NLGN1: variants seen among roughly 807,000 people sequenced by gnomAD.
NLGN1 encodes neuroligin 1, also known as neuroligin-1.
NLGN1 carries 12 observed loss-of-function variants against 65.5 expected under a neutral mutation model. The ratio of observed to expected loss-of-function variants is 0.18; its 90% CI spans 0.12 to 0.30. The LOEUF is 0.30. Ranked by LOEUF, NLGN1 falls within the 10% of genes least tolerant of loss-of-function variation. NLGN1 has a pLI of 1.00. For missense variants in NLGN1, 750 were observed against 1,007.1 expected, an observed-to-expected ratio of 0.74 and a Z score of 3.46; for synonymous variants, 350 against 359.5, an observed-to-expected ratio of 0.97 and a Z score of 0.30.
intron 3 of NLGN1, among the ~76,000 whole-genome samples, chr3:173,681,490 T>A (rs192381543): frequency 1.4e-3 from 217 of 152,316 alleles, no homozygotes; most frequent in Non-Finnish European, 1.6e-3. Context: ...GGAGCCTACA[T>A]GATGAATCCA....
intron 4 of NLGN1, among the ~76,000 whole-genome samples, chr3:174,167,073 G>A (rs1051920414): frequency 3.3e-5 from 5 of 151,984 alleles, no homozygotes; most frequent in African/African-American, 1.2e-4. Context: ...TCCAGGGGTT[G>A]TCATTACTTG....
chr3:173,862,444 T>C (rs1436511234), intron 4 of NLGN1, among the ~76,000 whole-genome samples: 1 of 134,506 alleles, frequency 7.4e-6, no homozygotes, highest in Non-Finnish European at 1.5e-5. Flanking sequence ...AGACGGAGCT[T>C]GCAGTGAGCC....
intron 4 of NLGN1, among the ~76,000 whole-genome samples, chr3:174,140,717 T>G (rs1304804060): frequency 2.0e-5 from 3 of 152,138 alleles, no homozygotes; most frequent in Non-Finnish European, 4.4e-5. Flanking sequence ...AATATCCTCT[T>G]TAGTTTTCCA....
intron 3 of NLGN1, among the ~76,000 whole-genome samples, chr3:173,643,410 A>G (rs1326147420): frequency 1.3e-5 from 2 of 152,132 alleles, no homozygotes; most frequent in Non-Finnish European, 2.9e-5. Flanking sequence ...TGGTAATAAG[A>G]GCATATAAAA....
At chr3:173,667,128 A>G (rs186806890) in intron 3 of NLGN1, among the ~76,000 whole-genome samples, 3 of 152,286 alleles carry the variant, frequency 2.0e-5, no homozygotes, top group Non-Finnish European at 2.9e-5. Context: ...GATAATTTTC[A>G]TGGCAGAATA....
intron 5 of NLGN1, among the ~76,000 whole-genome samples, chr3:174,277,526 A>T (rs1400262407): frequency 6.6e-6 from 1 of 151,828 alleles, no homozygotes; most frequent in Admixed American, 6.6e-5. Context: ...TAGTTACACA[A>T]TTTTTATTTA....
At chr3:174,022,390 G>A (rs1727921970) in intron 4 of NLGN1, among the ~76,000 whole-genome samples, 1 of 152,110 alleles carries the variant, frequency 6.6e-6, no homozygotes, top group Admixed American at 6.6e-5. Flanking sequence ...TCTTGGTAAT[G>A]AGGTTCCCAT....
At chr3:173,598,260 A>G (rs1487144967) in intron 2 of NLGN1, among the ~76,000 whole-genome samples, 2 of 152,212 alleles carry the variant, frequency 1.3e-5, no homozygotes, top group African/African-American at 2.4e-5. Flanking sequence ...CAACTGCACT[A>G]CAGACCAATC....
intron 2 of NLGN1, among the ~76,000 whole-genome samples, chr3:173,571,762 G>T (rs545412960): frequency 8.7e-4 from 132 of 152,014 alleles, no homozygotes; most frequent in Non-Finnish European, 2.7e-4. Context: ...TTTGTTTTTT[G>T]TTGTTGTTGT....
chr3:174,287,945 C>A (rs1347716817), downstream of NLGN1, among the ~76,000 whole-genome samples: 1 of 151,506 alleles, frequency 6.6e-6, no homozygotes, highest in East Asian at 1.9e-4. Context: ...AGAAATTAGT[C>A]ATTTCTTCTT....
intron 4 of NLGN1, among the ~76,000 whole-genome samples, chr3:173,885,623 T>A (rs1328320371): frequency 2.0e-5 from 3 of 152,054 alleles, no homozygotes; most frequent in African/African-American, 7.2e-5. Flanking sequence ...ATTCAATAAA[T>A]GGCTAAGGGA....
At chr3:174,272,500 T>C (rs552231599) in intron 4 of NLGN1, among the ~76,000 whole-genome samples, 3 of 151,758 alleles carry the variant, frequency 2.0e-5, no homozygotes, top group Non-Finnish European at 4.4e-5. Context: ...TGTATGCAAG[T>C]ATATATCTCT....
intron 4 of NLGN1, among the ~76,000 whole-genome samples, chr3:174,182,051 G>A (rs1430358582): frequency 6.7e-6 from 1 of 148,234 alleles, no homozygotes; most frequent in African/African-American, 2.5e-5. Flanking sequence ...GCAGCAAAAT[G>A]AGTAGGTGAT....
chr3:174,083,018 T>C (rs912451225), intron 4 of NLGN1, among the ~76,000 whole-genome samples: 1 of 152,340 alleles, frequency 6.6e-6, no homozygotes, highest in East Asian at 1.9e-4. Flanking sequence ...TGAGCCACCA[T>C]GCCTGGCCCT....
intron 2 of NLGN1, among the ~76,000 whole-genome samples, chr3:173,540,454 T>C (rs1387182173): frequency 6.6e-6 from 1 of 152,172 alleles, no homozygotes. Flanking sequence ...TTTGCCTCTT[T>C]TGTGGTCATA....
intron 1 of NLGN1, among the ~76,000 whole-genome samples, chr3:173,424,739 T>C (rs895038942): frequency 6.6e-6 from 1 of 152,206 alleles, no homozygotes; most frequent in Admixed American, 6.5e-5. Flanking sequence ...ATTTTTCATA[T>C]CGCTATCAGC....
chr3:173,989,743 C>T (rs1298892906), intron 4 of NLGN1, among the ~76,000 whole-genome samples: 1 of 152,176 alleles, frequency 6.6e-6, no homozygotes, highest in Non-Finnish European at 1.5e-5. Context: ...AAGACCTTCT[C>T]CTCCCACCCT....
chr3:174,005,903 A>G (rs1724271181), intron 4 of NLGN1, among the ~76,000 whole-genome samples: 1 of 152,244 alleles, frequency 6.6e-6, no homozygotes, highest in Admixed American at 6.5e-5. Flanking sequence ...TAAAAATTAA[A>G]TGATCAAATA....
intron 3 of NLGN1, among the ~76,000 whole-genome samples, chr3:173,631,031 T>G (rs527723902): frequency 3.6e-4 from 55 of 152,200 alleles, no homozygotes; most frequent in African/African-American, 1.3e-3. Context: ...GCAATGAAGT[T>G]CTGCTGTGAC....
Sources: allele counts gnomAD v4.1 joint callset (sites outside exome capture counted in the v4.1 genomes callset), GRCh38; gene constraint gnomAD v4.1.1; transcripts MANE v1.5; gene names NCBI Gene and HGNC (gene_info 2026-07-23, HGNC 2026-07-21).